The following DCDC1 variants were observed in gnomAD, a reference collection of about 807,000 sequenced individuals.
The protein encoded by DCDC1 is doublecortin domain containing 1.
Under a neutral mutation model 178.3 loss-of-function variants are expected in DCDC1, and 200 were observed. The ratio of observed to expected loss-of-function variants is 1.12; its 90% CI spans 1.00 to 1.26. The LOEUF (loss-of-function observed/expected upper bound fraction) is 1.26. Ranked by LOEUF, DCDC1 falls within the 50% of genes most tolerant of loss-of-function variation. The pLI, the probability that DCDC1 is intolerant of heterozygous loss-of-function variation, is 0.00. For synonymous variants in DCDC1, 690 were observed against 604.8 expected (o/e 1.14, Z -2.07); for missense variants, 1,983 against 1,749.2 (o/e 1.13, Z -2.38).
chr11:31,334,206 T>C (rs1414622229), intron 2 of DCDC1, among the ~76,000 whole-genome samples: 1 of 152,232 alleles, frequency 6.6e-6, no homozygotes, highest in Non-Finnish European at 1.5e-5. Flanking sequence ...ACATAGTTCT[T>C]GTGCCATGGT....
At chr11:31,198,767 G>A (rs369219885) in intron 9 of DCDC1, among the ~76,000 whole-genome samples, 2 of 151,888 alleles carry the variant, frequency 1.3e-5, no homozygotes, top group East Asian at 3.9e-4. Context: ...TTGGAGTCTT[G>A]GCCTTCTCAA....
intron 17 of DCDC1, among the ~76,000 whole-genome samples, chr11:31,090,928 T>C (rs927961667): frequency 2.0e-5 from 3 of 152,202 alleles, no homozygotes; most frequent in Admixed American, 2.0e-4. Context: ...CTTTATTATA[T>C]CTTCCTAAAT....
At chr11:31,155,497 C>A (rs1394716583) in intron 9 of DCDC1, among the ~76,000 whole-genome samples, 1 of 152,152 alleles carries the variant, frequency 6.6e-6, no homozygotes, top group Non-Finnish European at 1.5e-5. Context: ...CCTTTGAATT[C>A]TTTTTATGTC....
chr11:31,174,840 A>G (rs900625769), intron 9 of DCDC1, among the ~76,000 whole-genome samples: 1 of 152,026 alleles, frequency 6.6e-6, no homozygotes, highest in African/African-American at 2.4e-5. Flanking sequence ...AGGAGCTACC[A>G]CTGCAAGTCT....
intron 20 of DCDC1, among the ~76,000 whole-genome samples, chr11:30,986,057 C>T (rs1950624144): frequency 6.6e-6 from 1 of 151,892 alleles, no homozygotes; most frequent in African/African-American, 2.4e-5. Context: ...TGTATAAATC[C>T]AGAGATTGGC....
chr11:31,301,682 C>T (rs1290741260), intron 6 of DCDC1, among the ~76,000 whole-genome samples: 1 of 152,096 alleles, frequency 6.6e-6, no homozygotes, highest in Non-Finnish European at 1.5e-5. Flanking sequence ...TAGAATGTGT[C>T]TTGTGTGTCG....
intron 18 of DCDC1, among the ~76,000 whole-genome samples, chr11:31,070,148 A>C (rs1341934219): frequency 6.6e-6 from 1 of 152,184 alleles, no homozygotes; most frequent in Non-Finnish European, 1.5e-5. Flanking sequence ...TAATACTTTA[A>C]TACCACAGTT....
chr11:30,954,102 G>A (rs1465045284), intron 20 of DCDC1, among the ~76,000 whole-genome samples: 2 of 131,570 alleles, frequency 1.5e-5, no homozygotes, highest in East Asian at 2.5e-4. Flanking sequence ...TGCAAACTCC[G>A]CCTCCCGGGT....
intron 6 of DCDC1, among the ~76,000 whole-genome samples, chr11:31,303,205 T>C (rs1233525366): frequency 3.3e-5 from 5 of 152,202 alleles, no homozygotes; most frequent in Non-Finnish European, 7.4e-5. Flanking sequence ...TATCTTTCTC[T>C]GACCTGGCCT....
intron 38 of DCDC1, among the ~76,000 whole-genome samples, chr11:30,875,066 C>G (rs796368666): frequency 2.6e-5 from 4 of 152,258 alleles, no homozygotes; most frequent in African/African-American, 9.6e-5. Flanking sequence ...TACAGGGTGA[C>G]AGCCTTGATA....
intron 21 of DCDC1, among the ~76,000 whole-genome samples, chr11:30,934,364 C>T (rs1029195322): frequency 4.6e-5 from 7 of 152,176 alleles, no homozygotes; most frequent in African/African-American, 1.7e-4. Flanking sequence ...TAGACTAAAG[C>T]ACAAGTTCCG....
At position 31,063,377 on chromosome 11, in the gene DCDC1, C is replaced by T. The variant is rs1020686600; in HGVS notation, c.2591+1092G>A. On this transcript the variant is annotated intron_variant, in intron 20 of 38. Coordinates refer to ENST00000684477, the MANE Select transcript of DCDC1 (RefSeq NM_001387274.1). Reference sequence around the variant, plus strand: ...TACATACCCAAAGGATTATAAATCACGCTGCTATAAAGACACATGCACAGG... The same window carrying T: ...TACATACCCAAAGGATTATAAATCATGCTGCTATAAAGACACATGCACAGG... 1.6e-4 allele frequency among the ~76,000 whole-genome samples: 24 copies of T among 152,144 alleles called. No homozygotes were observed. In the South Asian group the frequency reaches 2.3e-3, roughly 14 times the overall value.
At chr11:31,299,834 A>T (rs984289049) in intron 6 of DCDC1, among the ~76,000 whole-genome samples, 5 of 152,068 alleles carry the variant, frequency 3.3e-5, no homozygotes, top group Non-Finnish European at 7.4e-5. Context: ...CCCATAATAC[A>T]TCTGTGGGAT....
At chr11:31,261,384 T>C (rs979708038) in intron 8 of DCDC1, among the ~76,000 whole-genome samples, 16 of 152,180 alleles carry the variant, frequency 1.1e-4, no homozygotes, top group Admixed American at 9.8e-4. Flanking sequence ...GTGGGCGTGA[T>C]TTTGCACAAT....
At chr11:31,045,079 T>C (rs1017926467) in intron 20 of DCDC1, among the ~76,000 whole-genome samples, 1 of 152,160 alleles carries the variant, frequency 6.6e-6, no homozygotes, top group Non-Finnish European at 1.5e-5. Flanking sequence ...GGCATAATAA[T>C]ATAAAATCTT....
intron 20 of DCDC1, among the ~76,000 whole-genome samples, chr11:31,013,431 C>T (rs1952290257): frequency 6.6e-6 from 1 of 152,154 alleles, no homozygotes; most frequent in Non-Finnish European, 1.5e-5. Flanking sequence ...TCTACACATG[C>T]ATAATAAGTG....
chr11:31,361,859 C>G (rs546224194), intron 1 of DCDC1, among the ~76,000 whole-genome samples: 7 of 152,266 alleles, frequency 4.6e-5, no homozygotes, highest in Non-Finnish European at 8.8e-5. Flanking sequence ...CCAAATCCAA[C>G]GCAGGAACTA....
intron 3 of DCDC1, among the ~76,000 whole-genome samples, chr11:31,325,362 T>C (rs1454500077): frequency 6.6e-6 from 1 of 152,176 alleles, no homozygotes. Context: ...ATTGTGCTAC[T>C]TTCCTGGAAG....
chr11:31,171,283 A>T (rs1265743532), intron 9 of DCDC1, among the ~76,000 whole-genome samples: 1 of 152,102 alleles, frequency 6.6e-6, no homozygotes, highest in Admixed American at 6.5e-5. Context: ...TGGCCATACA[A>T]TTTCTGTTGC....
Sources: gnomAD v4.1 joint callset for allele counts (sites outside exome capture counted in the v4.1 genomes callset) on GRCh38, gnomAD v4.1.1 for gene constraint, MANE v1.5 for transcripts, NCBI Gene and HGNC (gene_info 2026-07-23, HGNC 2026-07-21) for gene names.